The following FAHD2A variants were observed in gnomAD, a reference collection of about 807,000 sequenced individuals.
FAHD2A encodes the protein oxaloacetate tautomerase FAHD2A, mitochondrial.
In FAHD2A, 27 loss-of-function variants were observed where a neutral mutation model predicts 33.4. The observed-to-expected ratio is 0.81, with a 90% CI of 0.60 to 1.11. The LOEUF (loss-of-function observed/expected upper bound fraction) is 1.11, where lower values mean the gene tolerates loss of function less well. Ranked by LOEUF, FAHD2A falls within the 50% of genes most tolerant of loss-of-function variation. The pLI is 0.00. For synonymous variants in FAHD2A, 130 were observed against 153.3 expected, an observed-to-expected ratio of 0.85 and a Z score of 1.12; for missense variants, 296 against 395.0, an observed-to-expected ratio of 0.75 and a Z score of 2.12.
intron 1 of FAHD2A, among the ~76,000 whole-genome samples, chr2:95,403,619 G>A (rs1003060296): frequency 5.9e-5 from 9 of 152,174 alleles, no homozygotes; most frequent in African/African-American, 2.2e-4. Flanking sequence ...GGGGGATGGG[G>A]GCTGAAGCTG....
In FAHD2A at chr2:95,413,367, G is replaced by A; in HGVS notation, c.*410G>A. 3 of 1,546,308 alleles carry A rather than the reference G, an allele frequency of 1.9e-6. No individual in the cohort carries two copies. The highest frequency in any genetic ancestry group is 1.2e-5 in the South Asian group (1 of 80,310). On this transcript the variant is annotated 3_prime_UTR_variant, in exon 8 of 8. Coordinates refer to ENST00000233379, the MANE Select transcript of FAHD2A (RefSeq NM_016044.3). ...TGATTATATTTATAGCTAAGGGTTT[G>A]CAGCCTCCTCTCCATCTTCTGGCTC...
chr2:95,413,041 T>C lies in FAHD2A; in HGVS notation c.*84T>C. 1 of 1,521,616 alleles carries C rather than the reference T, an allele frequency of 6.6e-7. No individual in the cohort carries two copies. The highest frequency in any genetic ancestry group is 9.0e-7 in the Non-Finnish European group (1 of 1,116,276). 94.3% of individuals were successfully genotyped at this position (1,521,616 alleles called of 1,614,324 possible). On this transcript the variant is annotated 3_prime_UTR_variant, in exon 8 of 8. Transcript: ENST00000233379. ...CCAGGGAAAGGCCCAGTGACAGGTG[T>C]GGACAGGTGCCAGCCCTGCAAGCCG...
At chr2:95,408,518 T>C (rs1427179523) in intron 3 of FAHD2A, among the ~76,000 whole-genome samples, 1 of 152,208 alleles carries the variant, frequency 6.6e-6, no homozygotes, top group African/African-American at 2.4e-5. Flanking sequence ...CTCACAATCA[T>C]GGCAGAAGGC....
chr2:95,402,718 C>A lies in FAHD2A; in HGVS notation c.-161C>A, dbSNP rs930004601. ...CACAGGATCGCGCCCGCTTTTCTCT[C>A]GGGTGATCCGGCCGAGTGGCCCTGG... On this transcript the variant is annotated 5_prime_UTR_variant, in exon 1 of 8. Coordinates refer to ENST00000233379, the MANE Select transcript of FAHD2A (RefSeq NM_016044.3). The A allele has an allele frequency of 6.6e-6, 1 of 152,412 alleles. No homozygotes were observed. Among genetic ancestry groups the A allele is most frequent in the African/African-American group, 2.4e-5 (1 of 41,582 alleles). 9.4% of individuals were successfully genotyped at this position (152,412 alleles called of 1,614,324 possible). A position where few individuals can be genotyped will look rare whatever the true frequency, so the allele number is the denominator to read the frequency against.
rs1460298749 is a variant in FAHD2A at position 95,413,711 on chromosome 2, A to G, written c.*754A>G. 19 of 905,136 alleles carry G rather than the reference A, an allele frequency of 2.1e-5. No homozygotes were observed. In the East Asian group the frequency reaches 4.8e-4, roughly 23 times the overall value. 56.1% of individuals were successfully genotyped at this position (905,136 alleles called of 1,614,324 possible). ...GTGTTTGAGTGCAAATGCTGCCTCA[A>G]AGCAGCCCCAATACCCCACCTAGAA... is the stretch of plus-strand genomic sequence containing the variant. On this transcript the variant is annotated 3_prime_UTR_variant, in exon 8 of 8. Transcript: ENST00000233379.
At chr2:95,419,549 G>C (rs1441634964), downstream of FAHD2A, among the ~76,000 whole-genome samples, 2 of 152,054 alleles carry the variant, frequency 1.3e-5, no homozygotes, top group Non-Finnish European at 2.9e-5. Context: ...CCTGAGGCAA[G>C]GATTGAAGTG....
At chr2:95,407,379 T>C (rs932427575) in intron 3 of FAHD2A, 2 of 647,546 alleles carry the variant, frequency 3.1e-6, no homozygotes, top group African/African-American at 3.7e-5. Flanking sequence ...GATAATAAAA[T>C]AGAGATAAAC....
At position 95,414,054 on chromosome 2, in the gene FAHD2A, G is replaced by T; in HGVS notation, c.*1097G>T. The T allele has an allele frequency of 1.4e-6, 2 of 1,421,416 alleles. No individual in the cohort carries two copies. 88.1% of individuals were successfully genotyped at this position (1,421,416 alleles called of 1,614,324 possible). A position where few individuals can be genotyped will look rare whatever the true frequency, so the allele number is the denominator to read the frequency against. ...AGAAGTGAAGGCTCTAGGTAGGGAG[G>T]ACAGGGAGACACTGGGCACAGGCTT... is the stretch of plus-strand genomic sequence containing the variant. On this transcript the variant is annotated 3_prime_UTR_variant, in exon 8 of 8. Coordinates refer to ENST00000233379, the MANE Select transcript of FAHD2A (RefSeq NM_016044.3).
intron 2 of FAHD2A, 66 bp from the exon 3 acceptor site, chr2:95,406,875 C>T: frequency 6.6e-7 from 1 of 1,505,292 alleles, no homozygotes. Flanking sequence ...GCAGGATCTG[C>T]CCAGCCTGCC....
Position 95,415,363 on chromosome 2 carries a change from TA to T in FAHD2A, c.*2409del, listed in dbSNP as rs2104386744. On this transcript the variant is annotated 3_prime_UTR_variant, in exon 8 of 8. Coordinates refer to ENST00000233379, the MANE Select transcript of FAHD2A (RefSeq NM_016044.3). ...GACTTCCCAGTGTTTAGCAACAGATTAAACTCTAAGCCAACAACAACAGAAC... is the reference window on the plus strand; with the variant it reads ...GACTTCCCAGTGTTTAGCAACAGATTAACTCTAAGCCAACAACAACAGAAC... The T allele has an allele frequency of 6.6e-6, 1 of 150,590 alleles. No individual in the cohort carries two copies. The highest frequency in any genetic ancestry group is 2.0e-4 in the East Asian group (1 of 5,120). The allele number at this position is 150,590 out of a possible 1,614,324, so 9.3% of individuals were successfully genotyped here.
At position 95,414,321 on chromosome 2, in the gene FAHD2A, C is replaced by T; in HGVS notation, c.*1364C>T. On this transcript the variant is annotated 3_prime_UTR_variant, in exon 8 of 8. Transcript: ENST00000233379. ...GTTGGAGAGGAGAAGAAAAAGAAGA[C>T]ATCAAAAAGAAAATCTAGTGCTGGG... 2.0e-6 allele frequency: 2 copies of T among 992,528 alleles called. No homozygotes were observed. Among genetic ancestry groups the T allele is most frequent in the East Asian group, 2.4e-5 (1 of 41,070 alleles). The allele number at this position is 992,528 out of a possible 1,614,324, so 61.5% of individuals were successfully genotyped here. A position where few individuals can be genotyped will look rare whatever the true frequency, so the allele number is the denominator to read the frequency against.
Position 95,407,271 on chromosome 2 carries a change from C to G in FAHD2A, c.462+114C>G, listed in dbSNP as rs1681747163. 2.7e-6 allele frequency: 4 copies of G among 1,479,928 alleles called. No homozygotes were observed. The Admixed American group carries it at 7.7e-5, about 28-fold the overall frequency. The allele number at this position is 1,479,928 out of a possible 1,614,324, so 91.7% of individuals were successfully genotyped here. ...CGCTCAATAGCGCATTCAGCAGAAA[C>G]TCTACAGGATTGTACACACAGTAGT... On this transcript the variant is annotated intron_variant, in intron 3 of 7. Coordinates refer to ENST00000233379, the MANE Select transcript of FAHD2A (RefSeq NM_016044.3).
rs1217724141 is a variant in FAHD2A at position 95,404,213 on chromosome 2, C to T, written c.-6-1340C>T. Among the ~76,000 whole-genome samples the T allele has an allele frequency of 5.9e-5, 9 of 152,164 alleles. 1 individual carries two copies. In the South Asian group the frequency reaches 1.2e-3, roughly 21 times the overall value. Reference sequence around the variant, plus strand: ...CATGTGGTAAGGAATAGAGGCCAGACGTGGATTAAGAACAAAACAAGAGAA... The same window carrying T: ...CATGTGGTAAGGAATAGAGGCCAGATGTGGATTAAGAACAAAACAAGAGAA... On this transcript the variant is annotated intron_variant, in intron 1 of 7. Coordinates refer to ENST00000233379, the MANE Select transcript of FAHD2A (RefSeq NM_016044.3).
rs559781730 is a variant in FAHD2A at position 95,414,879 on chromosome 2, C to G, written c.*1922C>G. On this transcript the variant is annotated 3_prime_UTR_variant, in exon 8 of 8. Coordinates refer to ENST00000233379, the MANE Select transcript of FAHD2A (RefSeq NM_016044.3). ...GCAGCCAGCACAGCTGACCTTGGGG[C>G]GATAAGCAGCCAGGGAAAGGCTTTC... 6.6e-6 allele frequency: 1 copy of G among 152,190 alleles called. No homozygotes were observed. The highest frequency in any genetic ancestry group is 1.5e-5 in the Non-Finnish European group (1 of 68,182). 9.4% of individuals were successfully genotyped at this position (152,190 alleles called of 1,614,324 possible). A position where few individuals can be genotyped will look rare whatever the true frequency, so the allele number is the denominator to read the frequency against.
At chr2:95,404,520 C>A (rs998890761) in intron 1 of FAHD2A, among the ~76,000 whole-genome samples, 1 of 152,140 alleles carries the variant, frequency 6.6e-6, no homozygotes, top group South Asian at 2.1e-4. Context: ...GTCTTGAACT[C>A]CTGACCTCAA....
Position 95,412,483 on chromosome 2 carries a change from G to A in FAHD2A, c.735G>A (p.Gln245=), listed in dbSNP as rs140088746. The change falls in exon 6 of 8, where the codon CAG becomes CAA. Residue 245 remains glutamine, a synonymous_variant. Coordinates refer to ENST00000233379, the MANE Select transcript of FAHD2A (RefSeq NM_016044.3). The part of the protein sequence containing the change: ...ICCRVNGEVV[Q]SGNTNQMVFK... Reference sequence around the variant, plus strand: ...GCCGAGTGAATGGGGAAGTGGTCCAGAGCGGCAACACCAACCAGATGGTAT... The same window carrying A: ...GCCGAGTGAATGGGGAAGTGGTCCAAAGCGGCAACACCAACCAGATGGTAT... The A allele has an allele frequency of 9.9e-5, 160 of 1,613,978 alleles. No homozygotes were observed. The African/African-American group carries it at 2.0e-3, about 21-fold the overall frequency.
chr2:95,410,427 C>A (rs1264737170), intron 3 of FAHD2A, 100 bp from the exon 4 acceptor site: 3 of 1,478,688 alleles, frequency 2.0e-6, no homozygotes, highest in East Asian at 5.0e-5. Context: ...CGAAGCCATA[C>A]TGACAAAGGT....
intron 3 of FAHD2A, among the ~76,000 whole-genome samples, chr2:95,408,635 A>G (rs1573562853): frequency 6.6e-6 from 1 of 152,290 alleles, no homozygotes; most frequent in East Asian, 1.9e-4. Context: ...CCCATTCACT[A>G]TCATGAGAAC....
rs748026337 is a variant in FAHD2A at position 95,412,559 on chromosome 2, G to A, written c.794+17G>A. On this transcript the variant is annotated intron_variant, in intron 6 of 7. Coordinates refer to ENST00000233379, the MANE Select transcript of FAHD2A (RefSeq NM_016044.3). ...GGTCTCCCAGTGAGTGACAGGGGCT[G>A]TCCTGCCAGCCCCGCTTCACCTGCC... 3.1e-6 allele frequency: 5 copies of A among 1,613,870 alleles called. No individual in the cohort carries two copies. Among genetic ancestry groups the A allele is most frequent in the South Asian group, 2.2e-5 (2 of 91,060 alleles).
Sources: gnomAD v4.1 joint callset for allele counts (sites outside exome capture counted in the v4.1 genomes callset) on GRCh38, gnomAD v4.1.1 for gene constraint, MANE v1.5 for transcripts, NCBI Gene and HGNC (gene_info 2026-07-23, HGNC 2026-07-21) for gene names.